PRKX: variants seen among roughly 807,000 people sequenced by gnomAD.
PRKX encodes protein kinase cAMP-dependent X-linked catalytic subunit, also known as cAMP-dependent protein kinase catalytic subunit PRKX.
PRKX carries 12 observed loss-of-function variants against 22.0 expected under a neutral mutation model. The observed-to-expected ratio is 0.54, with a 90% CI of 0.35 to 0.88. The LOEUF (loss-of-function observed/expected upper bound fraction) is 0.88. Among genes scored for constraint, PRKX ranks in the 40% least tolerant of loss-of-function variants. The pLI is 0.01. For missense variants in PRKX, 217 were observed against 308.0 expected, an observed-to-expected ratio of 0.70 and a Z score of 2.21; for synonymous variants, 134 against 137.7, an observed-to-expected ratio of 0.97 and a Z score of 0.19.
intron 3 of PRKX, among the ~76,000 whole-genome samples, chrX:3,654,201 G>C (rs1221282931): frequency 1.1e-5 from 1 of 91,876 alleles, no homozygotes; most frequent in Non-Finnish European, 2.1e-5. Context: ...ATAATATATA[G>C]TATACCTATA....
chrX:3,703,696 A>T (rs1603474901), intron 1 of PRKX, among the ~76,000 whole-genome samples: 2 of 72,567 alleles, frequency 2.8e-5, no homozygotes, highest in Non-Finnish European at 2.4e-5. Context: ...TTTGAGATGG[A>T]GTCTCACTCT....
chrX:3,646,291 C>CA (rs886481758), intron 3 of PRKX, among the ~76,000 whole-genome samples: 31 of 102,131 alleles, frequency 3.0e-4, no homozygotes, highest in African/African-American at 1.1e-3. Flanking sequence ...GACTCCGTCT[C>CA]AAAAAAAAAG....
In PRKX at chrX:3,615,865, G is replaced by T. The variant is rs771773396; in HGVS notation, c.901C>A (p.Arg301=). 10 of 1,207,978 alleles carry T rather than the reference G, an allele frequency of 8.3e-6. No individual in the cohort carries two copies. In the South Asian group the frequency reaches 1.8e-4, roughly 22 times the overall value. Residue 301 remains arginine (R), a synonymous_variant, in exon 7 of 9, where the codon CGG becomes AGG. Coordinates refer to ENST00000262848, the MANE Select transcript of PRKX (RefSeq NM_005044.5). ...KNGANDVKHH[R]WFRSVDWEAV... is the part of the protein sequence containing the mutation. ...TCCCAGTCCACGGAGCGGAACCACCGATGATGCTTCACATCATTCGCCCCG... is the reference window on the plus strand; with the variant it reads ...TCCCAGTCCACGGAGCGGAACCACCTATGATGCTTCACATCATTCGCCCCG...
intron 1 of PRKX, among the ~76,000 whole-genome samples, chrX:3,681,103 C>G (rs988565785): frequency 2.7e-5 from 3 of 111,060 alleles, no homozygotes; most frequent in Non-Finnish European, 5.7e-5. Flanking sequence ...TAAATAAGGC[C>G]AGGCACAGTG....
intron 1 of PRKX, among the ~76,000 whole-genome samples, chrX:3,694,013 G>C (rs6567587): frequency 0.42 from 44,726 of 106,218 alleles, 7,662 homozygotes; most frequent in East Asian, 0.8. Flanking sequence ...CTCCAGATAA[G>C]GCCATCCTGG....
intron 3 of PRKX, among the ~76,000 whole-genome samples, chrX:3,653,224 C>G (rs1256873078): frequency 9.0e-6 from 1 of 110,791 alleles, no homozygotes; most frequent in East Asian, 2.9e-4. Context: ...GATGAGTGCC[C>G]TTACAAAAGG....
chrX:3,610,628 A>G (rs1334160358), intron 8 of PRKX, among the ~76,000 whole-genome samples: 1 of 111,161 alleles, frequency 9.0e-6, no homozygotes. Context: ...CTACGTGTGG[A>G]ATCTTTTTCA....
intron 1 of PRKX, among the ~76,000 whole-genome samples, chrX:3,706,086 T>C (rs1257825520): frequency 1.8e-5 from 2 of 110,606 alleles, no homozygotes; most frequent in Non-Finnish European, 1.9e-5. Context: ...ACTTTACATA[T>C]GCGATTTCAT....
intron 3 of PRKX, among the ~76,000 whole-genome samples, chrX:3,645,562 T>C (rs1327681213): frequency 8.9e-6 from 1 of 112,145 alleles, no homozygotes; most frequent in Non-Finnish European, 1.9e-5. Flanking sequence ...ATCGTGAAAA[T>C]GTTCTGGAAC....
chrX:3,702,693 CT>C (rs747061377), intron 1 of PRKX, among the ~76,000 whole-genome samples: 3,078 of 88,785 alleles, frequency 0.035, 112 homozygotes, highest in African/African-American at 0.1. Flanking sequence ...GTCTATTTTT[CT>C]TTTTTTTTTT....
At chrX:3,637,265 G>A (rs1357348529) in intron 4 of PRKX, among the ~76,000 whole-genome samples, 1 of 111,484 alleles carries the variant, frequency 9.0e-6, no homozygotes, top group Non-Finnish European at 1.9e-5. Context: ...TCTAAGAGGG[G>A]TGGACAACCC....
intron 1 of PRKX, among the ~76,000 whole-genome samples, chrX:3,692,128 G>C (rs1928341246): frequency 9.4e-6 from 1 of 106,449 alleles, no homozygotes; most frequent in South Asian, 4.4e-4. Context: ...GGGGAGAGAG[G>C]GGGAGAGAGA....
chrX:3,671,245 A>C (rs766371364), intron 2 of PRKX, among the ~76,000 whole-genome samples: 14 of 110,390 alleles, frequency 1.3e-4, no homozygotes, highest in African/African-American at 4.6e-4. Context: ...CATATTGGCC[A>C]GGCTAGAATT....
At chrX:3,712,891 T>TGGGCTGGG (rs1410822957) in intron 1 of PRKX, among the ~76,000 whole-genome samples, 197 bp downstream of exon 1, 4 of 112,336 alleles carry the variant, frequency 3.6e-5, no homozygotes, top group African/African-American at 9.7e-5. Context: ...GGTACTTGCC[T>TGGGCTGGG]GGGCTGGGGG....
intron 1 of PRKX, among the ~76,000 whole-genome samples, chrX:3,702,620 G>C (rs112256209): frequency 0.015 from 1,594 of 104,189 alleles, 43 homozygotes; most frequent in African/African-American, 0.052. Flanking sequence ...AAAAATTCCA[G>C]TGGATTTTTA....
At chrX:3,653,207 T>C (rs1046722352) in intron 3 of PRKX, among the ~76,000 whole-genome samples, 4 of 110,954 alleles carry the variant, frequency 3.6e-5, no homozygotes, top group Non-Finnish European at 7.6e-5. Context: ...TGGAGTCTCA[T>C]GAATGGGATG....
At chrX:3,681,604 G>A (rs781377917) in intron 1 of PRKX, among the ~76,000 whole-genome samples, 1 of 102,577 alleles carries the variant, frequency 9.7e-6, no homozygotes, top group Non-Finnish European at 2.0e-5. Flanking sequence ...AGCTGAGATT[G>A]CACCACTGCA....
chrX:3,681,860 C>T (rs1403172259), intron 1 of PRKX, among the ~76,000 whole-genome samples: 4 of 109,736 alleles, frequency 3.6e-5, no homozygotes, highest in Non-Finnish European at 1.9e-5. Context: ...AAGGAGGCGG[C>T]CAGCAGAGAG....
chrX:3,624,359 G>C (rs943632740), intron 5 of PRKX, among the ~76,000 whole-genome samples: 30 of 110,790 alleles, frequency 2.7e-4, no homozygotes, highest in African/African-American at 8.2e-4. Context: ...AAAGAAACAG[G>C]GGCACTGTGG....
Sources: gnomAD v4.1 joint callset for allele counts (sites outside exome capture counted in the v4.1 genomes callset) on GRCh38, gnomAD v4.1.1 for gene constraint, MANE v1.5 for transcripts, NCBI Gene and HGNC (gene_info 2026-07-23, HGNC 2026-07-21) for gene names.